Variants in NR2C2 observed in about 807,000 individuals in gnomAD.
The protein encoded by NR2C2 is nuclear receptor subfamily 2 group C member 2, also known as Nuclear hormone receptor TR4.
In NR2C2, 6 loss-of-function variants were observed where a neutral mutation model predicts 62.9. The observed-to-expected ratio is 0.10, with a 90% CI of 0.05 to 0.19. The LOEUF is 0.19. NR2C2 is among the 10% of genes least tolerant of loss of function. The pLI is 1.00. For synonymous variants in NR2C2, 272 were observed against 273.8 expected (o/e 0.99, Z 0.07); for missense variants, 479 against 762.7 (o/e 0.63, Z 4.38).
intron 1 of NR2C2, among the ~76,000 whole-genome samples, chr3:14,949,619 A>T (rs1436852996): frequency 6.6e-6 from 1 of 152,226 alleles, no homozygotes; most frequent in Non-Finnish European, 1.5e-5. Flanking sequence ...TTACTTCCAG[A>T]TTCAAATCCT....
chr3:15,032,127 T>C (rs1234811359), intron 9 of NR2C2, among the ~76,000 whole-genome samples: 2 of 152,154 alleles, frequency 1.3e-5, no homozygotes, highest in Non-Finnish European at 2.9e-5. Context: ...TTGAGGAGTA[T>C]GTTTTTGTGG....
rs1484439078 is a variant in NR2C2, at chr3:14,971,609, A to AC, written c.-40+23704dup. Among the ~76,000 whole-genome samples the AC allele has an allele frequency of 2.6e-5, 4 of 151,584 alleles. 1 individual carries two copies. Among genetic ancestry groups the AC allele is most frequent in the Admixed American group, 6.5e-5 (1 of 15,268 alleles). ...CATGTTACATTCTTACCAGCAGTGCACAAGGGTTCTAGTTTCTCCACATCC... is the reference window on the plus strand; with the variant it reads ...CATGTTACATTCTTACCAGCAGTGCACCAAGGGTTCTAGTTTCTCCACATCC... On this transcript the variant is annotated intron_variant, in intron 1 of 13. Coordinates refer to ENST00000425241, the MANE Select transcript of NR2C2 (RefSeq NM_001291694.2).
At chr3:14,969,536 C>T (rs963991954) in intron 1 of NR2C2, among the ~76,000 whole-genome samples, 5 of 152,000 alleles carry the variant, frequency 3.3e-5, no homozygotes, top group African/African-American at 9.7e-5. Context: ...CCACCATGCC[C>T]GGCCAATAAA....
At chr3:14,998,894 T>TG (rs2040905474) in intron 1 of NR2C2, among the ~76,000 whole-genome samples, 1 of 152,038 alleles carries the variant, frequency 6.6e-6, no homozygotes, top group East Asian at 1.9e-4. Context: ...CCCAGTTACA[T>TG]GGGGGGCTGA....
At chr3:15,017,766 G>T (rs1422080007) in intron 4 of NR2C2, among the ~76,000 whole-genome samples, 1 of 152,214 alleles carries the variant, frequency 6.6e-6, no homozygotes, top group Non-Finnish European at 1.5e-5. Context: ...AGTTATTCCA[G>T]ATGCACACTT....
intron 1 of NR2C2, among the ~76,000 whole-genome samples, chr3:14,977,233 T>C (rs2040233508): frequency 6.6e-6 from 1 of 152,228 alleles, no homozygotes; most frequent in African/African-American, 2.4e-5. Flanking sequence ...CACTGACTAG[T>C]GCTTGAGTAT....
At chr3:14,983,258 C>G (rs2040424123) in intron 1 of NR2C2, among the ~76,000 whole-genome samples, 1 of 152,164 alleles carries the variant, frequency 6.6e-6, no homozygotes, top group Non-Finnish European at 1.5e-5. Context: ...CACTACCCTT[C>G]CTAGCCTCGG....
intron 1 of NR2C2, among the ~76,000 whole-genome samples, chr3:14,967,900 T>G (rs973008220): frequency 3.9e-5 from 6 of 152,180 alleles, no homozygotes; most frequent in Non-Finnish European, 8.8e-5. Context: ...GGATTCCCTA[T>G]TTAATAAATG....
intron 1 of NR2C2, among the ~76,000 whole-genome samples, chr3:14,968,852 G>A (rs1396550746): frequency 6.9e-6 from 1 of 144,900 alleles, no homozygotes; most frequent in African/African-American, 2.6e-5. Flanking sequence ...GGATGAAATT[G>A]GAAATCATCA....
intron 13 of NR2C2, among the ~76,000 whole-genome samples, chr3:15,042,129 G>A: frequency 6.6e-6 from 1 of 152,196 alleles, no homozygotes; most frequent in East Asian, 1.9e-4. Flanking sequence ...TTGCTCACCT[G>A]AGATCCAGTC....
chr3:14,986,885 T>G (rs2040528119), intron 1 of NR2C2, among the ~76,000 whole-genome samples: 1 of 152,206 alleles, frequency 6.6e-6, no homozygotes, highest in Admixed American at 6.5e-5. Flanking sequence ...GTAGTGTGTT[T>G]CCATGTAATC....
chr3:15,011,901 T>C (rs1472903030), intron 2 of NR2C2, among the ~76,000 whole-genome samples: 2 of 152,246 alleles, frequency 1.3e-5, no homozygotes, highest in African/African-American at 4.8e-5. Context: ...CCCAATGTCA[T>C]GCTTTCTCTG....
At chr3:14,969,075 A>T (rs1366452292) in intron 1 of NR2C2, among the ~76,000 whole-genome samples, 1 of 150,778 alleles carries the variant, frequency 6.6e-6, no homozygotes, top group Admixed American at 6.6e-5. Context: ...AGCATGGCAC[A>T]TGTATACATA....
chr3:15,033,140 A>G (rs997082144), intron 10 of NR2C2, among the ~76,000 whole-genome samples: 4 of 152,348 alleles, frequency 2.6e-5, no homozygotes, highest in East Asian at 1.9e-4. Flanking sequence ...TGGAAATACA[A>G]TGAGAGTCAT....
At position 15,048,635 on chromosome 3, in the gene NR2C2, T is replaced by A. The variant is rs371257586; in HGVS notation, c.*5627T>A. 6 of 152,658 alleles carry A rather than the reference T, an allele frequency of 3.9e-5. No homozygotes were observed. Among genetic ancestry groups the A allele is most frequent in the Admixed American group, 3.9e-4 (6 of 15,288 alleles). The allele number at this position is 152,658 out of a possible 1,614,324, so 9.5% of individuals were successfully genotyped here. Reference sequence around the variant, plus strand: ...TTTTCTTTAGGAAAGTATAATCAATTATTTTAATGACCATAGCATTCATGG... The same window carrying A: ...TTTTCTTTAGGAAAGTATAATCAATAATTTTAATGACCATAGCATTCATGG... On this transcript the variant is annotated 3_prime_UTR_variant, in exon 14 of 14. Coordinates refer to ENST00000425241, the MANE Select transcript of NR2C2 (RefSeq NM_001291694.2).
chr3:15,027,321 T>A (rs2041851592), intron 7 of NR2C2, among the ~76,000 whole-genome samples: 4 of 152,216 alleles, frequency 2.6e-5, no homozygotes, highest in Admixed American at 2.6e-4. Flanking sequence ...TTTGTATGGC[T>A]ATACCACATT....
chr3:15,008,205 T>G (rs2041245560), intron 2 of NR2C2, among the ~76,000 whole-genome samples: 1 of 143,334 alleles, frequency 7.0e-6, no homozygotes, highest in Admixed American at 7.0e-5. Flanking sequence ...TAGCAAACAG[T>G]TTTTTTGTTT....
intron 3 of NR2C2, among the ~76,000 whole-genome samples, chr3:15,015,471 G>C (rs1347546089): frequency 6.6e-6 from 1 of 152,164 alleles, no homozygotes; most frequent in South Asian, 2.1e-4. Context: ...ATAAAGTTTG[G>C]TTATTTCTCT....
At chr3:15,035,243 G>C (rs933392337) in intron 11 of NR2C2, among the ~76,000 whole-genome samples, 1 of 152,202 alleles carries the variant, frequency 6.6e-6, no homozygotes, top group East Asian at 1.9e-4. Context: ...AGTGAGCTGT[G>C]ATCATTCCAG....
Sources: gnomAD v4.1 joint callset for allele counts (sites outside exome capture counted in the v4.1 genomes callset) on GRCh38, gnomAD v4.1.1 for gene constraint, MANE v1.5 for transcripts, NCBI Gene and HGNC (gene_info 2026-07-23, HGNC 2026-07-21) for gene names.